Variants in RALGAPA2 observed in about 807,000 individuals in gnomAD.
RALGAPA2 encodes the protein Ral GTPase activating protein catalytic subunit alpha 2.
In RALGAPA2, 139 loss-of-function variants were observed where a neutral mutation model predicts 230.4. The observed-to-expected ratio is 0.60, with a 90% CI of 0.53 to 0.69. RALGAPA2 has a LOEUF of 0.69. Ranked by LOEUF, RALGAPA2 falls within the 30% of genes least tolerant of loss-of-function variation. The probability of loss-of-function intolerance (pLI) is 0.00; values close to 1 mark genes in which losing one functional copy is unlikely to be tolerated. For missense variants in RALGAPA2, 2,163 were observed against 2,276.0 expected, an observed-to-expected ratio of 0.95 and a Z score of 1.01; for synonymous variants, 847 against 837.8, an observed-to-expected ratio of 1.01 and a Z score of -0.19.
At position 20,535,735 on chromosome 20, in the gene RALGAPA2, C is replaced by G; in HGVS notation, c.3473+10G>C. On this transcript the variant is annotated intron_variant, in intron 26 of 39. Coordinates refer to ENST00000202677, the MANE Select transcript of RALGAPA2 (RefSeq NM_020343.4). ...ATTCTAAAATAGTTTACCTCTTATTCAACATTTACCTTGCATATTCATTTG... is the reference window on the plus strand; with the variant it reads ...ATTCTAAAATAGTTTACCTCTTATTGAACATTTACCTTGCATATTCATTTG... The G allele has an allele frequency of 6.5e-7, 1 of 1,544,552 alleles. No individual in the cohort carries two copies.
At chr20:20,567,094 T>C (rs2064454382) in intron 23 of RALGAPA2, among the ~76,000 whole-genome samples, 1 of 152,188 alleles carries the variant, frequency 6.6e-6, no homozygotes, top group Non-Finnish European at 1.5e-5. Context: ...CATTAAGACA[T>C]TAAATCTGTA....
chr20:20,419,573 A>T (rs1392934811), intron 37 of RALGAPA2, among the ~76,000 whole-genome samples: 1 of 152,238 alleles, frequency 6.6e-6, no homozygotes, highest in East Asian at 1.9e-4. Flanking sequence ...AAAAAGCTCA[A>T]ATCAAACATG....
intron 2 of RALGAPA2, among the ~76,000 whole-genome samples, chr20:20,679,692 C>A (rs1463177751): frequency 5.9e-5 from 9 of 152,152 alleles, no homozygotes; most frequent in Admixed American, 5.9e-4. Flanking sequence ...AGCAGCAGTG[C>A]CGCTCTCTTC....
intron 39 of RALGAPA2, among the ~76,000 whole-genome samples, chr20:20,394,203 T>A (rs1253708027): frequency 3.3e-5 from 5 of 152,182 alleles, no homozygotes; most frequent in Non-Finnish European, 7.3e-5. Flanking sequence ...CCTTCCCTTA[T>A]TGTTTCTAGG....
rs758851762 is a variant in RALGAPA2 at position 20,398,780 on chromosome 20, G to C, written c.5618-2046C>G. Among the ~76,000 whole-genome samples the C allele has an allele frequency of 6.6e-6, 1 of 152,170 alleles. No homozygotes were observed. Among genetic ancestry groups the C allele is most frequent in the Non-Finnish European group, 1.5e-5 (1 of 68,038 alleles). Reference sequence around the variant, plus strand: ...TCAAATGAGCAGCAGATATGTGCCAGGTACTGTTTTAGGCTCTGGGTTACA... The same window carrying C: ...TCAAATGAGCAGCAGATATGTGCCACGTACTGTTTTAGGCTCTGGGTTACA... On this transcript the variant is annotated intron_variant, in intron 38 of 39. Transcript: ENST00000202677. The surrounding 1 kb of genome is among the most constrained non-coding windows in gnomAD (Gnocchi z 4.5).
intron 37 of RALGAPA2, among the ~76,000 whole-genome samples, chr20:20,455,962 A>G (rs939309275): frequency 2.6e-5 from 4 of 152,218 alleles, no homozygotes; most frequent in Non-Finnish European, 5.9e-5. Context: ...AGTTAAAGTG[A>G]AAATAAGGAG....
chr20:20,532,845 A>G (rs765238398), intron 26 of RALGAPA2, among the ~76,000 whole-genome samples: 11 of 152,176 alleles, frequency 7.2e-5, no homozygotes, highest in Non-Finnish European at 1.6e-4. Context: ...GAGAAAGTTC[A>G]GTGAGGCAGG....
At chr20:20,493,311 C>T (rs1602534777) in intron 36 of RALGAPA2, among the ~76,000 whole-genome samples, 1 of 152,202 alleles carries the variant, frequency 6.6e-6, no homozygotes, top group South Asian at 2.1e-4. Flanking sequence ...AAGGATAATA[C>T]TAAATTTCCA....
intron 37 of RALGAPA2, among the ~76,000 whole-genome samples, chr20:20,442,605 C>T (rs1752203191): frequency 6.6e-6 from 1 of 152,244 alleles, no homozygotes; most frequent in African/African-American, 2.4e-5. Context: ...CTGATAAACA[C>T]TTTGGCTTTG....
intron 36 of RALGAPA2, among the ~76,000 whole-genome samples, chr20:20,475,176 G>A (rs1335560186): frequency 6.6e-6 from 1 of 152,106 alleles, no homozygotes; most frequent in Non-Finnish European, 1.5e-5. Flanking sequence ...TATTTGTAAA[G>A]CCCCTTTTCT....
intron 20 of RALGAPA2, among the ~76,000 whole-genome samples, chr20:20,575,405 G>GTT (rs777780570): frequency 3.6e-5 from 5 of 138,942 alleles, no homozygotes; most frequent in Admixed American, 1.4e-4. Flanking sequence ...TGTTGAGTTT[G>GTT]TTTTTTTTTT....
At chr20:20,680,841 T>C (rs373940519) in intron 1 of RALGAPA2, 40 bp from the exon 2 acceptor site, 516 of 1,520,904 alleles carry the variant, frequency 3.4e-4, no homozygotes, top group Non-Finnish European at 4.0e-4. Flanking sequence ...ATTCACTTTA[T>C]AAAATCACAA....
chr20:20,598,737 G>C (rs1278420876), intron 16 of RALGAPA2: 1 of 456,348 alleles, frequency 2.2e-6, no homozygotes, highest in African/African-American at 2.0e-5. Flanking sequence ...CGCTCACGGT[G>C]TGAAGGAGGA....
chr20:20,637,224 T>C, intron 8 of RALGAPA2, 139 bp downstream of exon 8: 1 of 701,912 alleles, frequency 1.4e-6, no homozygotes, highest in South Asian at 3.5e-5. Flanking sequence ...TAAGAAACTT[T>C]AAACATTTAA....
rs1447135881 is a variant in RALGAPA2, at chr20:20,611,401, T to C, written c.1714A>G (p.Arg572Gly). 1.2e-6 allele frequency: 2 copies of C among 1,613,134 alleles called. No homozygotes were observed. Among genetic ancestry groups the C allele is most frequent in the Admixed American group, 1.7e-5 (1 of 59,988 alleles). Residue 572 changes from arginine (R) to glycine (G), a missense_variant, in exon 14 of 40, where the codon AGG becomes GGG. By Grantham distance (125) the Arg-to-Gly change is moderately radical. Coordinates refer to ENST00000202677, the MANE Select transcript of RALGAPA2 (RefSeq NM_020343.4). ...TTCTGCATGACAGCTTCTGTTATCCTGAGTAGTATTTGCAACATCTGTTCC... is the reference window on the plus strand; with the variant it reads ...TTCTGCATGACAGCTTCTGTTATCCCGAGTAGTATTTGCAACATCTGTTCC... ...TWEQMLQILL[R>G]ITEAVMQKPK...
At position 20,472,576 on chromosome 20, in the gene RALGAPA2, C is replaced by T. The variant is rs148909884; in HGVS notation, c.5495+253G>A. On this transcript the variant is annotated intron_variant, in intron 37 of 39. Transcript: ENST00000202677. ...GAAGATATGAGCATCTCATAATGGT[C>T]ACAGCTTCTCAGACACAAACGTATG... The T allele has an allele frequency of 1.2e-4, 33 of 275,580 alleles. No homozygotes were observed. In the Admixed American group the frequency reaches 1.6e-3, roughly 13 times the overall value. The allele number at this position is 275,580 out of a possible 1,614,324, so 17.1% of individuals were successfully genotyped here.
Position 20,709,213 on chromosome 20 carries a change from G to T in RALGAPA2, c.106+3162C>A, listed in dbSNP as rs1017111991. Among the ~76,000 whole-genome samples, 22 of 152,154 alleles carry T rather than the reference G, an allele frequency of 1.4e-4. 1 individual carries two copies. Among genetic ancestry groups the T allele is most frequent in the Admixed American group, 1.1e-3 (17 of 15,276 alleles). ...ACACACCTGTAATCCCAGCCACTCA[G>T]GAGGCTGAGGCATGAGAATTGCTTG... is the stretch of plus-strand genomic sequence containing the variant. On this transcript the variant is annotated intron_variant, in intron 1 of 39. Coordinates refer to ENST00000202677, the MANE Select transcript of RALGAPA2 (RefSeq NM_020343.4).
intron 9 of RALGAPA2, among the ~76,000 whole-genome samples, chr20:20,632,591 G>T (rs2066712430): frequency 6.6e-6 from 1 of 152,084 alleles, no homozygotes; most frequent in Non-Finnish European, 1.5e-5. Context: ...AGACTTTTTT[G>T]AACTGAGTGA....
chr20:20,622,868 A>G (rs1364465581), intron 10 of RALGAPA2, among the ~76,000 whole-genome samples: 7 of 152,302 alleles, frequency 4.6e-5, no homozygotes, highest in Admixed American at 4.6e-4. Flanking sequence ...GAAAGGGATA[A>G]TATCTACATA....
Sources: allele counts gnomAD v4.1 joint callset (sites outside exome capture counted in the v4.1 genomes callset), GRCh38; gene constraint gnomAD v4.1.1; non-coding constraint Gnocchi (gnomAD v3.1); transcripts MANE v1.5; gene names NCBI Gene and HGNC (gene_info 2026-07-23, HGNC 2026-07-21).